ITGA4: variants seen among roughly 807,000 people sequenced by gnomAD.
The protein encoded by ITGA4 is integrin alpha-4.
In ITGA4, 63 loss-of-function variants were observed where a neutral mutation model predicts 133.6. That is an observed-to-expected ratio of 0.47 (90% CI 0.38 to 0.58). The LOEUF is 0.58. ITGA4 is among the 20% of genes least tolerant of loss of function. The pLI, the probability that ITGA4 is intolerant of heterozygous loss-of-function variation, is 0.00. For missense variants in ITGA4, 1,076 were observed against 1,252.7 expected (o/e 0.86, Z 2.13); for synonymous variants, 483 against 438.0 (o/e 1.10, Z -1.28).
intron 2 of ITGA4, among the ~76,000 whole-genome samples, chr2:181,460,733 TAAATC>T (rs1431819558): frequency 2.6e-5 from 4 of 152,142 alleles, no homozygotes; most frequent in Non-Finnish European, 5.9e-5. Context: ...ATTGTTTACT[TAAATC>T]TATTATCTGT....
chr2:181,471,864 A>G (rs2105723031), intron 2 of ITGA4, among the ~76,000 whole-genome samples: 1 of 152,280 alleles, frequency 6.6e-6, no homozygotes, highest in Non-Finnish European at 1.5e-5. Flanking sequence ...TCCTATTTCT[A>G]AGAATCATTA....
intron 15 of ITGA4, among the ~76,000 whole-genome samples, chr2:181,507,374 C>G (rs141738788): frequency 6.6e-6 from 1 of 152,206 alleles, no homozygotes; most frequent in East Asian, 1.9e-4. Flanking sequence ...TATAAATCCT[C>G]TTAGGTTACT....
At chr2:181,531,843 A>G (rs902408597) in intron 25 of ITGA4, 67 bp downstream of exon 25, 3 of 1,163,074 alleles carry the variant, frequency 2.6e-6, no homozygotes, top group Admixed American at 4.9e-5. Context: ...ATTCAGTCAT[A>G]TAGGCAGGAT....
intron 2 of ITGA4, among the ~76,000 whole-genome samples, chr2:181,462,673 C>T (rs919435781): frequency 2.0e-5 from 3 of 152,112 alleles, no homozygotes; most frequent in Non-Finnish European, 4.4e-5. Context: ...ATCAGGTTAC[C>T]AGAAAGAAGT....
upstream of ITGA4, chr2:181,457,235 G>C (rs536579089): frequency 5.3e-6 from 1 of 187,914 alleles, no homozygotes; most frequent in South Asian, 9.2e-5. Flanking sequence ...GCCATCCCGC[G>C]CTCTGCGGGC....
At chr2:181,496,095 A>G (rs1023147886) in intron 14 of ITGA4, among the ~76,000 whole-genome samples, 158 bp downstream of exon 14, 6 of 152,132 alleles carry the variant, frequency 3.9e-5, no homozygotes, top group Non-Finnish European at 7.4e-5. Context: ...CATCTTCCAG[A>G]TTCTTGCGTT....
chr2:181,507,177 C>A (rs1411541228), intron 15 of ITGA4, among the ~76,000 whole-genome samples: 1 of 152,076 alleles, frequency 6.6e-6, no homozygotes, highest in Non-Finnish European at 1.5e-5. Context: ...AATTCTAATA[C>A]CAAGAAAAAC....
At chr2:181,526,821 C>CTTTGTTTTTTTT (rs1686838817) in intron 21 of ITGA4, among the ~76,000 whole-genome samples, 1 of 40,994 alleles carries the variant, frequency 2.4e-5, no homozygotes, top group Non-Finnish European at 5.5e-5. Context: ...AGCACATGGC[C>CTTTGTTTTTTTT]TTTTTTTTTT....
chr2:181,484,359 G>A (rs984591585), intron 9 of ITGA4, among the ~76,000 whole-genome samples: 1 of 152,144 alleles, frequency 6.6e-6, no homozygotes, highest in African/African-American at 2.4e-5. Flanking sequence ...TCTGTGACTA[G>A]GGAATACTTG....
At chr2:181,496,504 C>T (rs1482385711) in intron 14 of ITGA4, among the ~76,000 whole-genome samples, 4 of 152,132 alleles carry the variant, frequency 2.6e-5, no homozygotes, top group Non-Finnish European at 1.5e-5. Flanking sequence ...AAATAATATG[C>T]TTGTTAATAA....
intron 15 of ITGA4, among the ~76,000 whole-genome samples, chr2:181,505,562 C>CT (rs963384680): frequency 6.6e-6 from 1 of 152,006 alleles, no homozygotes; most frequent in Non-Finnish European, 1.5e-5. Flanking sequence ...AACAAATCTA[C>CT]TTTTTTACTC....
At chr2:181,505,521 T>G (rs1209440357) in intron 15 of ITGA4, among the ~76,000 whole-genome samples, 1 of 152,110 alleles carries the variant, frequency 6.6e-6, no homozygotes, top group African/African-American at 2.4e-5. Context: ...TTAATATAGA[T>G]AGCACATGCC....
chr2:181,529,507 T>C (rs1389737264), intron 22 of ITGA4, 34 bp from the exon 23 acceptor site: 1 of 1,057,822 alleles, frequency 9.5e-7, no homozygotes, highest in Non-Finnish European at 1.5e-6. Flanking sequence ...ATAGAAAACA[T>C]TTAATTTGTT....
At chr2:181,498,801 A>G in intron 15 of ITGA4, 24 bp downstream of exon 15, 1 of 1,569,646 alleles carries the variant, frequency 6.4e-7, no homozygotes, top group Non-Finnish European at 8.6e-7. Flanking sequence ...TTTTTTATTA[A>G]TGAATATGTG....
At chr2:181,479,331 C>T (rs760461887) in intron 5 of ITGA4, 1 of 151,966 alleles carries the variant, frequency 6.6e-6, no homozygotes, top group Admixed American at 6.6e-5. Context: ...CACAGTTGTA[C>T]TCAACCCCAA....
At chr2:181,488,255 T>C (rs115713449) in intron 10 of ITGA4, among the ~76,000 whole-genome samples, 6,482 of 152,250 alleles carry the variant, frequency 0.043, 202 homozygotes, top group Non-Finnish European at 0.066. Flanking sequence ...TCGATGAGAC[T>C]TAGGAAGAGG....
intron 2 of ITGA4, among the ~76,000 whole-genome samples, chr2:181,474,298 A>G (rs375317155): frequency 2.6e-5 from 4 of 152,326 alleles, no homozygotes; most frequent in South Asian, 2.1e-4. Context: ...TTGGCTATTC[A>G]TGCATTTGCC....
At chr2:181,508,740 AT>A (rs1172124456) in intron 15 of ITGA4, among the ~76,000 whole-genome samples, 1 of 151,990 alleles carries the variant, frequency 6.6e-6, no homozygotes, top group Non-Finnish European at 1.5e-5. Context: ...TTAACAACTA[AT>A]AAGAAAATCA....
At chr2:181,500,982 G>A (rs190575312) in intron 15 of ITGA4, among the ~76,000 whole-genome samples, 15 of 152,236 alleles carry the variant, frequency 9.9e-5, no homozygotes, top group East Asian at 5.8e-4. Context: ...GGAGTGAAGC[G>A]GAGAATTTTA....
Sources: allele counts gnomAD v4.1 joint callset (sites outside exome capture counted in the v4.1 genomes callset), GRCh38; gene constraint gnomAD v4.1.1; transcripts MANE v1.5; gene names NCBI Gene and HGNC (gene_info 2026-07-23, HGNC 2026-07-21).